SGCD: variants seen among roughly 807,000 people sequenced by gnomAD.
The protein encoded by SGCD is delta-sarcoglycan.
Under a neutral mutation model 36.6 loss-of-function variants are expected in SGCD, and 18 were observed. The ratio of observed to expected loss-of-function variants is 0.49; its 90% CI spans 0.34 to 0.73. SGCD has a LOEUF of 0.73. Among genes scored for constraint, SGCD ranks in the 30% least tolerant of loss-of-function variants. SGCD has a pLI of 0.01. For missense variants in SGCD, 387 were observed against 346.7 expected, an observed-to-expected ratio of 1.12 and a Z score of -0.92; for synonymous variants, 133 against 130.6, an observed-to-expected ratio of 1.02 and a Z score of -0.12.
intron 3 of SGCD, among the ~76,000 whole-genome samples, chr5:156,265,255 C>A (rs187400518): frequency 2.0e-4 from 30 of 152,262 alleles, no homozygotes; most frequent in Admixed American, 1.6e-3. Flanking sequence ...TAGTTATGCT[C>A]TGCCCCCCTA....
intron 1 of SGCD, among the ~76,000 whole-genome samples, chr5:156,070,866 G>A (rs1760529883): frequency 6.6e-6 from 1 of 152,164 alleles, no homozygotes; most frequent in Admixed American, 6.5e-5. Context: ...TTGGGAGGGT[G>A]TATGTGATGA....
At chr5:156,646,722 G>T (rs962482284) in intron 6 of SGCD, among the ~76,000 whole-genome samples, 11 of 152,160 alleles carry the variant, frequency 7.2e-5, no homozygotes, top group Non-Finnish European at 1.5e-4. Context: ...TTGTGCAATT[G>T]TCTGTGAAAA....
intron 4 of SGCD, among the ~76,000 whole-genome samples, chr5:156,563,094 C>T (rs2113251934): frequency 6.6e-6 from 1 of 152,196 alleles, no homozygotes; most frequent in South Asian, 2.1e-4. Flanking sequence ...ATTCTCCTCC[C>T]TCAGCCTCCC....
intron 6 of SGCD, among the ~76,000 whole-genome samples, chr5:156,610,504 G>GA (rs1469939663): frequency 2.0e-5 from 3 of 152,234 alleles, no homozygotes; most frequent in African/African-American, 7.2e-5. Context: ...CCCACTTGAG[G>GA]GGGCAGTCTG....
At chr5:156,473,180 T>A (rs571972446) in intron 3 of SGCD, among the ~76,000 whole-genome samples, 1 of 152,308 alleles carries the variant, frequency 6.6e-6, no homozygotes, top group South Asian at 2.1e-4. Flanking sequence ...TTACCACCTG[T>A]ACTTAATGAT....
chr5:156,678,854 C>G (rs190616611), intron 7 of SGCD, among the ~76,000 whole-genome samples: 2 of 152,208 alleles, frequency 1.3e-5, no homozygotes, highest in Admixed American at 6.5e-5. Flanking sequence ...AGACAGACAC[C>G]GAAGCATTTT....
In SGCD at chr5:156,086,894, G is replaced by A. The variant is rs145985681; in HGVS notation, c.-281-30984G>A. On this transcript the variant is annotated intron_variant, in intron 1 of 9. Transcript: ENST00000517913. The stretch of plus-strand genomic sequence containing the variant: ...TTCCATTCTCTTCCTATGGATAGTG[G>A]ATATGCATTCTGGCTACTTCCTGCT... Among the ~76,000 whole-genome samples the A allele has an allele frequency of 1.5e-3, 231 of 152,324 alleles. 1 individual carries two copies. The highest frequency in any genetic ancestry group is 5.3e-3 in the African/African-American group (219 of 41,570).
chr5:156,578,283 A>C (rs777030023), intron 4 of SGCD, among the ~76,000 whole-genome samples: 1 of 152,200 alleles, frequency 6.6e-6, no homozygotes, highest in Non-Finnish European at 1.5e-5. Flanking sequence ...ATGGTGGATA[A>C]GCTTTTCGAT....
intron 3 of SGCD, among the ~76,000 whole-genome samples, chr5:156,390,327 A>T (rs1208793845): frequency 1.3e-5 from 2 of 152,186 alleles, no homozygotes; most frequent in Non-Finnish European, 2.9e-5. Context: ...GCTCCTGAAG[A>T]TCTTCCAGTG....
chr5:156,377,753 T>C (rs1770745010), intron 3 of SGCD, among the ~76,000 whole-genome samples: 1 of 152,220 alleles, frequency 6.6e-6, no homozygotes, highest in Admixed American at 6.5e-5. Context: ...ACCCCCATTC[T>C]TGGCTATACC....
chr5:156,103,614 A>G (rs1291252183), intron 1 of SGCD, among the ~76,000 whole-genome samples: 1 of 152,124 alleles, frequency 6.6e-6, no homozygotes, highest in Non-Finnish European at 1.5e-5. Flanking sequence ...ATCAAAGTGT[A>G]ATTTGGACCT....
chr5:156,688,752 T>A (rs1754001379), intron 7 of SGCD, among the ~76,000 whole-genome samples: 1 of 152,200 alleles, frequency 6.6e-6, no homozygotes, highest in African/African-American at 2.4e-5. Flanking sequence ...CTCTGTTGGA[T>A]GGTATTCAGT....
chr5:156,540,608 T>G (rs1216915388), intron 4 of SGCD, among the ~76,000 whole-genome samples: 1 of 152,186 alleles, frequency 6.6e-6, no homozygotes, highest in East Asian at 1.9e-4. Context: ...TTGATAGACC[T>G]TAAACTTGTC....
chr5:156,507,102 G>A (rs1756736614), intron 3 of SGCD, among the ~76,000 whole-genome samples: 1 of 152,136 alleles, frequency 6.6e-6, no homozygotes, highest in Non-Finnish European at 1.5e-5. Context: ...TATAATCTCA[G>A]AACCCATGAA....
At chr5:156,125,452 G>C (rs556985782) in intron 3 of SGCD, among the ~76,000 whole-genome samples, 1 of 151,818 alleles carries the variant, frequency 6.6e-6, no homozygotes, top group Non-Finnish European at 1.5e-5. Flanking sequence ...TTTCTATCTA[G>C]TATTCCCAAA....
In SGCD at chr5:155,886,119, G is replaced by A. The variant is rs183000196; in HGVS notation, c.-282+15695G>A. ...ATTTGTGCAAAATTATTTACTGCAT[G>A]TCTTAGTGATGGCTCTTTAGGTTAC... On this transcript the variant is annotated intron_variant, in intron 1 of 9. Transcript: ENST00000517913. 1.2e-4 allele frequency among the ~76,000 whole-genome samples: 18 copies of A among 152,306 alleles called. No individual in the cohort carries two copies. In the East Asian group the frequency reaches 3.5e-3, roughly 29 times the overall value.
At chr5:155,870,372 C>T (rs1319131331) in exon 1 of SGCD, 1 of 152,204 alleles carries the variant, frequency 6.6e-6, no homozygotes, top group African/African-American at 2.4e-5. Flanking sequence ...GGGAGGGTCA[C>T]AGTATCAGTG....
intron 4 of SGCD, among the ~76,000 whole-genome samples, chr5:156,576,135 T>C (rs1224002467): frequency 2.6e-5 from 4 of 151,928 alleles, no homozygotes; most frequent in South Asian, 2.1e-4. Flanking sequence ...CCAAGTGTTC[T>C]CCTTGTTCAT....
intron 1 of SGCD, among the ~76,000 whole-genome samples, chr5:156,005,575 C>T (rs781241776): frequency 2.6e-4 from 39 of 151,964 alleles, no homozygotes; most frequent in Admixed American, 1.0e-3. Flanking sequence ...CTCAGCCTCC[C>T]GAGTAGCTGG....
Sources: allele counts gnomAD v4.1 joint callset (sites outside exome capture counted in the v4.1 genomes callset), GRCh38; gene constraint gnomAD v4.1.1; transcripts MANE v1.5; gene names NCBI Gene and HGNC (gene_info 2026-07-23, HGNC 2026-07-21).